The following SLCO3A1 variants were observed in gnomAD, a reference collection of about 807,000 sequenced individuals.
SLCO3A1 encodes the protein solute carrier organic anion transporter family member 3A1.
In SLCO3A1, 27 loss-of-function variants were observed where a neutral mutation model predicts 63.1. The ratio of observed to expected loss-of-function variants is 0.43; its 90% CI spans 0.32 to 0.59. The LOEUF (loss-of-function observed/expected upper bound fraction) is 0.59. SLCO3A1 is among the 20% of genes least tolerant of loss of function. The pLI is 0.09. For synonymous variants in SLCO3A1, 473 were observed against 409.9 expected, an observed-to-expected ratio of 1.15 and a Z score of -1.86; for missense variants, 773 against 945.8, an observed-to-expected ratio of 0.82 and a Z score of 2.40.
At chr15:91,871,957 G>T (rs1259688454) in intron 1 of SLCO3A1, among the ~76,000 whole-genome samples, 1 of 151,876 alleles carries the variant, frequency 6.6e-6, no homozygotes, top group African/African-American at 2.4e-5. Flanking sequence ...TGTATGGTAG[G>T]TTGCTTATGG....
At chr15:92,046,853 CTG>C (rs1276671794) in intron 2 of SLCO3A1, among the ~76,000 whole-genome samples, 1 of 149,126 alleles carries the variant, frequency 6.7e-6, no homozygotes, top group Admixed American at 7.0e-5. Flanking sequence ...GTTTCTCAGA[CTG>C]TTTTCAATAG....
intron 2 of SLCO3A1, among the ~76,000 whole-genome samples, chr15:91,945,758 G>A (rs767083129): frequency 3.3e-5 from 5 of 152,200 alleles, no homozygotes; most frequent in Non-Finnish European, 7.3e-5. Flanking sequence ...GATGGTGACT[G>A]GCTACTGTGC....
rs561386027 is a variant in SLCO3A1, at chr15:92,004,570, A to G, written c.646+88112A>G. On this transcript the variant is annotated intron_variant, in intron 2 of 9. Coordinates refer to ENST00000318445, the MANE Select transcript of SLCO3A1 (RefSeq NM_013272.4). ...TATTGGCCATTTTATTGACAAACAGAACACCAAAAACCAAAGATACTCACT... is the reference window on the plus strand; with the variant it reads ...TATTGGCCATTTTATTGACAAACAGGACACCAAAAACCAAAGATACTCACT... Among the ~76,000 whole-genome samples, 21 of 152,318 alleles carry G rather than the reference A, an allele frequency of 1.4e-4. No homozygotes were observed. The East Asian group carries it at 4.1e-3, about 29-fold the overall frequency.
intron 2 of SLCO3A1, among the ~76,000 whole-genome samples, chr15:91,951,707 A>C (rs1419561804): frequency 3.3e-5 from 5 of 151,604 alleles, no homozygotes; most frequent in Non-Finnish European, 7.4e-5. Flanking sequence ...GGCCTGCACC[A>C]CCACGCCTGG....
chr15:91,909,857 G>C (rs565125989), intron 1 of SLCO3A1, among the ~76,000 whole-genome samples: 163 of 152,266 alleles, frequency 1.1e-3, no homozygotes, highest in African/African-American at 3.8e-3. Context: ...TCTGCCACAG[G>C]GGCCTTTCCT....
At chr15:91,924,104 G>A (rs552342973) in intron 2 of SLCO3A1, among the ~76,000 whole-genome samples, 4 of 152,326 alleles carry the variant, frequency 2.6e-5, no homozygotes, top group South Asian at 2.1e-4. Context: ...GCTTTGGGCC[G>A]GCTATGGGTG....
chr15:92,015,329 G>C (rs1045057513), intron 2 of SLCO3A1, among the ~76,000 whole-genome samples: 2 of 152,096 alleles, frequency 1.3e-5, no homozygotes, highest in Non-Finnish European at 2.9e-5. Flanking sequence ...CCACATGGCT[G>C]GGGAGGCTTC....
chr15:92,047,742 C>T (rs756036971), intron 2 of SLCO3A1, among the ~76,000 whole-genome samples: 2 of 146,666 alleles, frequency 1.4e-5, no homozygotes, highest in Non-Finnish European at 3.0e-5. Flanking sequence ...TCGAATCGTT[C>T]ATCCTTTACA....
Position 91,885,889 on chromosome 15 carries a change from G to A in SLCO3A1, c.181-30104G>A, listed in dbSNP as rs1897711944. Reference sequence around the variant, plus strand: ...TTGGAGCAAGAATGTTTCAGGCAGAGGGACTAGGAAGTGCAAAGGCCCTGG... The same window carrying A: ...TTGGAGCAAGAATGTTTCAGGCAGAAGGACTAGGAAGTGCAAAGGCCCTGG... On this transcript the variant is annotated intron_variant, in intron 1 of 9. Transcript: ENST00000318445. The surrounding 1 kb of genome is among the most constrained non-coding windows in gnomAD (Gnocchi z 4.7). Among the ~76,000 whole-genome samples the A allele has an allele frequency of 6.6e-6, 1 of 152,210 alleles. No individual in the cohort carries two copies. Among genetic ancestry groups the A allele is most frequent in the East Asian group, 1.9e-4 (1 of 5,182 alleles).
At position 92,163,683 on chromosome 15, in the gene SLCO3A1, CCT is replaced by C; in HGVS notation, c.*555_*556del. ...AAGTCGGAGGGGTGGAAGCACCACT[CCT>C]CTCTCTGACTTTCGCAATATGGGTC... On this transcript the variant is annotated 3_prime_UTR_variant, in exon 10 of 10. Transcript: ENST00000318445. 2 of 985,408 alleles carry C rather than the reference CCT, an allele frequency of 2.0e-6. No homozygotes were observed. The highest frequency in any genetic ancestry group is 1.2e-6 in the Non-Finnish European group (1 of 829,948). The allele number at this position is 985,408 out of a possible 1,614,324, so 61.0% of individuals were successfully genotyped here.
chr15:92,041,697 C>T (rs1468870350), intron 2 of SLCO3A1, among the ~76,000 whole-genome samples: 1 of 152,124 alleles, frequency 6.6e-6, no homozygotes. Flanking sequence ...CCTATTCTTC[C>T]CATCCTTCCT....
intron 2 of SLCO3A1, among the ~76,000 whole-genome samples, chr15:91,960,581 T>C (rs1900408702): frequency 6.6e-6 from 1 of 152,194 alleles, no homozygotes; most frequent in South Asian, 2.1e-4. Context: ...TAAGAACATA[T>C]TTTGAGAGAG....
At chr15:92,064,159 G>T (rs2047120575) in intron 2 of SLCO3A1, among the ~76,000 whole-genome samples, 1 of 152,300 alleles carries the variant, frequency 6.6e-6, no homozygotes, top group East Asian at 1.9e-4. Context: ...CCCCATGGAG[G>T]CACCTGATGC....
rs188020872 is a variant in SLCO3A1 at position 92,136,023 on chromosome 15, C to G, written c.1512+7534C>G. ...ATCTCTGAAAAGATAAAAAATGAGG[C>G]AGGCAGGTGGCTTACTTGAGCCCAG... On this transcript the variant is annotated intron_variant, in intron 7 of 9. Coordinates refer to ENST00000318445, the MANE Select transcript of SLCO3A1 (RefSeq NM_013272.4). Among the ~76,000 whole-genome samples the G allele has an allele frequency of 1.1e-3, 170 of 152,166 alleles. 1 individual carries two copies. The highest frequency in any genetic ancestry group is 0.01 in the Middle Eastern group (3 of 294).
intron 3 of SLCO3A1, among the ~76,000 whole-genome samples, chr15:92,102,086 C>T (rs2047611947): frequency 6.6e-6 from 1 of 152,136 alleles, no homozygotes; most frequent in Admixed American, 6.5e-5. Context: ...TCTTTACCCG[C>T]TCACATCTGC....
At chr15:92,050,811 T>C (rs1159701609) in intron 2 of SLCO3A1, among the ~76,000 whole-genome samples, 1 of 152,218 alleles carries the variant, frequency 6.6e-6, no homozygotes, top group Non-Finnish European at 1.5e-5. Flanking sequence ...GCCTTCCTCT[T>C]CAGCCTGTGT....
intron 1 of SLCO3A1, among the ~76,000 whole-genome samples, chr15:91,896,823 G>A (rs1033749297): frequency 6.6e-6 from 1 of 152,230 alleles, no homozygotes; most frequent in African/African-American, 2.4e-5. Flanking sequence ...GTGAATAAAG[G>A]TGAGTCTTAT....
At chr15:91,956,782 CTTT>C (rs750285182) in intron 2 of SLCO3A1, among the ~76,000 whole-genome samples, 1 of 122,426 alleles carries the variant, frequency 8.2e-6, no homozygotes, top group South Asian at 2.6e-4. Flanking sequence ...GCCTTGCCTT[CTTT>C]TTTTTTTTTT....
rs979849306 is a variant in SLCO3A1, at chr15:91,885,772, A to G, written c.181-30221A>G. Among the ~76,000 whole-genome samples, 1 of 152,224 alleles carries G rather than the reference A, an allele frequency of 6.6e-6. No homozygotes were observed. On this transcript the variant is annotated intron_variant, in intron 1 of 9. Coordinates refer to ENST00000318445, the MANE Select transcript of SLCO3A1 (RefSeq NM_013272.4). This position sits in a 1 kb window ranked among gnomAD's most constrained non-coding sequence, Gnocchi z 4.7. ...CCCTCCCCTATTTTTATGGCTGCTAACAAATCGGCTGGACCTTTCTCTAAA... is the reference window on the plus strand; with the variant it reads ...CCCTCCCCTATTTTTATGGCTGCTAGCAAATCGGCTGGACCTTTCTCTAAA...
Sources: gnomAD v4.1 joint callset for allele counts (sites outside exome capture counted in the v4.1 genomes callset) on GRCh38, gnomAD v4.1.1 for gene constraint, Gnocchi (gnomAD v3.1) non-coding constraint, MANE v1.5 for transcripts, NCBI Gene and HGNC (gene_info 2026-07-23, HGNC 2026-07-21) for gene names.